LRRC4C: variants seen among roughly 807,000 people sequenced by gnomAD.
The protein encoded by LRRC4C is leucine rich repeat containing 4C.
LRRC4C carries 5 observed loss-of-function variants against 33.6 expected under a neutral mutation model. The ratio of observed to expected loss-of-function variants is 0.15; its 90% confidence interval spans 0.08 to 0.31. The LOEUF is 0.31. LRRC4C is among the 10% of genes least tolerant of loss of function. The probability of loss-of-function intolerance (pLI) is 1.00; values close to 1 mark genes in which losing one functional copy is unlikely to be tolerated. For synonymous variants in LRRC4C, 329 were observed against 302.0 expected (o/e 1.09, Z -0.93); for missense variants, 560 against 796.7 (o/e 0.70, Z 3.58).
At chr11:40,763,382 GGAGGCAGAGCAA>G (rs1949315045) in intron 2 of LRRC4C, among the ~76,000 whole-genome samples, 1 of 152,066 alleles carries the variant, frequency 6.6e-6, no homozygotes, top group Admixed American at 6.6e-5. Flanking sequence ...AAATAGGGCA[GGAGGCAGAGCAA>G]GATGGCTGAA....
At chr11:41,196,115 A>G (rs1327346253) in intron 1 of LRRC4C, among the ~76,000 whole-genome samples, 1 of 152,052 alleles carries the variant, frequency 6.6e-6, no homozygotes, top group African/African-American at 2.4e-5. Context: ...ATAAATGTCA[A>G]TTGGAATATT....
At chr11:41,189,393 G>A (rs766888104) in intron 1 of LRRC4C, among the ~76,000 whole-genome samples, 17 of 152,064 alleles carry the variant, frequency 1.1e-4, no homozygotes, top group Non-Finnish European at 2.1e-4. Flanking sequence ...CGGATTATGT[G>A]ATCCAAGAGA....
intron 6 of LRRC4C, among the ~76,000 whole-genome samples, chr11:40,132,702 A>T (rs1466449494): frequency 6.6e-6 from 1 of 152,178 alleles, no homozygotes; most frequent in Non-Finnish European, 1.5e-5. Context: ...TAAATAAAAA[A>T]TAATATTCTA....
chr11:40,270,870 C>T (rs975480041), intron 4 of LRRC4C, among the ~76,000 whole-genome samples: 6 of 152,090 alleles, frequency 3.9e-5, no homozygotes, highest in East Asian at 1.9e-4. Context: ...TCATATGTAT[C>T]GGGTGATTTT....
intron 1 of LRRC4C, among the ~76,000 whole-genome samples, chr11:41,450,903 C>G (rs1431385002): frequency 6.6e-6 from 1 of 152,174 alleles, no homozygotes; most frequent in East Asian, 1.9e-4. Context: ...AATTCCCCTT[C>G]CTTCTTTAAT....
At chr11:41,317,341 C>T (rs1047427764) in intron 1 of LRRC4C, among the ~76,000 whole-genome samples, 12 of 151,814 alleles carry the variant, frequency 7.9e-5, no homozygotes, top group African/African-American at 2.9e-4. Flanking sequence ...TTAACTTTTA[C>T]GGCCAAGTTT....
chr11:41,342,837 G>C lies in LRRC4C; in HGVS notation c.-496+116594C>G, dbSNP rs139070939. On this transcript the variant is annotated intron_variant, in intron 1 of 6. Transcript: ENST00000528697. ...TGTAAAAAAGTACCACAGAGTTGGTGACTTAAAATAACAGTAACGTATTCT... is the reference window on the plus strand; with the variant it reads ...TGTAAAAAAGTACCACAGAGTTGGTCACTTAAAATAACAGTAACGTATTCT... Among the ~76,000 whole-genome samples the C allele has an allele frequency of 2.1e-3, 315 of 152,304 alleles. 1 individual carries two copies. The highest frequency in any genetic ancestry group is 7.1e-3 in the African/African-American group (296 of 41,574).
chr11:40,336,703 A>G (rs550325403), intron 3 of LRRC4C, among the ~76,000 whole-genome samples: 60 of 152,180 alleles, frequency 3.9e-4, no homozygotes, highest in African/African-American at 1.3e-3. Flanking sequence ...GGGGCTGGGC[A>G]CGGTGGCTCA....
intron 2 of LRRC4C, among the ~76,000 whole-genome samples, chr11:40,903,727 ATGAC>A (rs777544140): frequency 5.3e-5 from 8 of 152,280 alleles, no homozygotes; most frequent in Non-Finnish European, 7.4e-5. Flanking sequence ...GTTAGAAAGA[ATGAC>A]TAAGACCTAC....
intron 2 of LRRC4C, among the ~76,000 whole-genome samples, chr11:40,714,609 A>G (rs1485162036): frequency 1.3e-5 from 2 of 152,318 alleles, no homozygotes; most frequent in East Asian, 3.9e-4. Context: ...AGAAGAGCAA[A>G]TAATCAAGAA....
At chr11:40,956,126 C>T (rs990834243) in intron 1 of LRRC4C, among the ~76,000 whole-genome samples, 2 of 151,670 alleles carry the variant, frequency 1.3e-5, no homozygotes, top group South Asian at 2.1e-4. Flanking sequence ...AATGGAACAA[C>T]GTATATCTGA....
intron 5 of LRRC4C, among the ~76,000 whole-genome samples, chr11:40,194,744 A>G (rs183800771): frequency 2.2e-3 from 336 of 152,306 alleles, no homozygotes; most frequent in African/African-American, 7.7e-3. Flanking sequence ...CGTTCTGCAC[A>G]TGTATCCCAG....
At chr11:40,796,704 T>C (rs571206981) in intron 2 of LRRC4C, among the ~76,000 whole-genome samples, 1 of 144,984 alleles carries the variant, frequency 6.9e-6, no homozygotes, top group Non-Finnish European at 1.5e-5. Context: ...TGGAGTGCAA[T>C]GGTGCGACCT....
chr11:40,938,964 A>C (rs1319163144), intron 1 of LRRC4C, among the ~76,000 whole-genome samples: 1 of 152,162 alleles, frequency 6.6e-6, no homozygotes, highest in African/African-American at 2.4e-5. Flanking sequence ...ACAAACAGAG[A>C]AAATATTATC....
chr11:40,454,392 T>G (rs972479679), intron 3 of LRRC4C, among the ~76,000 whole-genome samples: 10 of 152,158 alleles, frequency 6.6e-5, no homozygotes, highest in African/African-American at 2.4e-4. Context: ...TAGAGAATTT[T>G]TTTTTTTTGT....
At chr11:41,352,655 A>G (rs1168464943) in intron 1 of LRRC4C, among the ~76,000 whole-genome samples, 1 of 152,120 alleles carries the variant, frequency 6.6e-6, no homozygotes, top group Non-Finnish European at 1.5e-5. Context: ...AAATAAAATA[A>G]AATTATACCA....
chr11:40,918,620 T>C (rs1957054402), intron 2 of LRRC4C, among the ~76,000 whole-genome samples: 1 of 152,098 alleles, frequency 6.6e-6, no homozygotes, highest in Non-Finnish European at 1.5e-5. Context: ...CTGTTTCCTT[T>C]AGCTTTTTAA....
chr11:40,433,423 A>AT (rs1951016287), intron 3 of LRRC4C, among the ~76,000 whole-genome samples: 1 of 152,122 alleles, frequency 6.6e-6, no homozygotes, highest in African/African-American at 2.4e-5. Flanking sequence ...AGGTGGGAAG[A>AT]TTGTTTGGAA....
intron 3 of LRRC4C, among the ~76,000 whole-genome samples, chr11:40,498,946 G>T (rs895239796): frequency 6.6e-6 from 1 of 152,164 alleles, no homozygotes; most frequent in African/African-American, 2.4e-5. Flanking sequence ...AAAACGTTGA[G>T]ATGATAGAAG....
Sources: allele counts gnomAD v4.1 joint callset (sites outside exome capture counted in the v4.1 genomes callset), GRCh38; gene constraint gnomAD v4.1.1; transcripts MANE v1.5; gene names NCBI Gene and HGNC (gene_info 2026-07-23, HGNC 2026-07-21).